Variants in ABI2 observed in about 807,000 individuals in gnomAD.
ABI2 encodes abelson interactor 2.
Under a neutral mutation model 59.2 loss-of-function variants are expected in ABI2, and 25 were observed. The observed-to-expected ratio is 0.42, with a 90% CI of 0.31 to 0.59. The LOEUF is 0.59. Ranked by LOEUF, ABI2 falls within the 20% of genes least tolerant of loss-of-function variation. ABI2 has a pLI of 0.14. For synonymous variants in ABI2, 213 were observed against 235.5 expected (o/e 0.90, Z 0.87); for missense variants, 545 against 681.8 (o/e 0.80, Z 2.23).
intron 3 of ABI2, 37 bp from the exon 4 acceptor site, chr2:203,382,152 T>C: frequency 1.3e-6 from 2 of 1,512,868 alleles, no homozygotes; most frequent in Non-Finnish European, 1.8e-6. Flanking sequence ...ATGCTTTTTT[T>C]CCTTACCTCT....
chr2:203,370,723 T>A (rs2095091081), intron 2 of ABI2, among the ~76,000 whole-genome samples: 1 of 152,170 alleles, frequency 6.6e-6, no homozygotes. Flanking sequence ...GCAAAAATAC[T>A]AGATTCCGAG....
chr2:203,330,422 C>G (rs1014353095), intron 1 of ABI2, among the ~76,000 whole-genome samples: 4 of 149,686 alleles, frequency 2.7e-5, no homozygotes, highest in African/African-American at 9.8e-5. Context: ...GATTCACTTG[C>G]TCAATTTTTC....
At chr2:203,354,487 T>G (rs1442986396) in intron 1 of ABI2, among the ~76,000 whole-genome samples, 1 of 152,202 alleles carries the variant, frequency 6.6e-6, no homozygotes, top group Non-Finnish European at 1.5e-5. Context: ...CTGAAACATA[T>G]CAGTAAACTA....
At chr2:203,368,984 ATTTTTTTTTTTTTT>A (rs71007508) in intron 2 of ABI2, among the ~76,000 whole-genome samples, 17 of 91,120 alleles carry the variant, frequency 1.9e-4, no homozygotes, top group African/African-American at 4.5e-4. Context: ...TGCTTGGCTG[ATTTTTTTTTTTTTT>A]TTTTTTTTTT....
chr2:203,339,951 G>T (rs909425996), intron 1 of ABI2, among the ~76,000 whole-genome samples: 1 of 152,184 alleles, frequency 6.6e-6, no homozygotes, highest in African/African-American at 2.4e-5. Context: ...TGTATATGTG[G>T]ATGAATACTG....
intron 7 of ABI2, 89 bp downstream of exon 7, chr2:203,395,869 C>A: frequency 7.3e-7 from 1 of 1,377,034 alleles, no homozygotes; most frequent in Non-Finnish European, 9.6e-7. Context: ...TCTTCGTAAT[C>A]AGGATTTTTT....
In ABI2 at chr2:203,411,244, G is replaced by A. The variant is rs530407943; in HGVS notation, c.1193-41G>A. 1.5e-5 allele frequency: 22 copies of A among 1,421,920 alleles called. No homozygotes were observed. The Admixed American group carries it at 1.7e-4, about 11-fold the overall frequency. The allele number at this position is 1,421,920 out of a possible 1,614,324, so 88.1% of individuals were successfully genotyped here. On this transcript the variant is annotated intron_variant, in intron 9 of 11. Coordinates refer to ENST00000261018, the MANE Select transcript of ABI2 (RefSeq NM_001375670.1). ...TTATCCTTTCCTTTTAATGTAACTC[G>A]CCCTTATCCCTTATCCTCCACACCT...
intron 2 of ABI2, among the ~76,000 whole-genome samples, chr2:203,375,604 A>G (rs2095628665): frequency 2.0e-5 from 3 of 152,250 alleles, no homozygotes; most frequent in Admixed American, 1.3e-4. Flanking sequence ...TATAGTAGCC[A>G]TATTTTATTT....
intron 6 of ABI2, chr2:203,395,137 T>A: frequency 1.4e-6 from 1 of 702,616 alleles, no homozygotes; most frequent in Non-Finnish European, 2.6e-6. Context: ...AGGTTGTTTT[T>A]TGGTGGAACT....
chr2:203,394,955 C>CT lies in ABI2; in HGVS notation c.725+110dup, dbSNP rs569634751. On this transcript the variant is annotated intron_variant, in intron 6 of 11. Coordinates refer to ENST00000261018, the MANE Select transcript of ABI2 (RefSeq NM_001375670.1). ...CAAGCACTAAGTTCTTTTCCTCACT[C>CT]TATTCTCCCAAACCTCATCTGATTT... is the stretch of plus-strand genomic sequence containing the variant. 1.4e-4 allele frequency: 171 copies of CT among 1,241,496 alleles called. 1 individual carries two copies. In the African/African-American group the frequency reaches 2.2e-3, roughly 16 times the overall value. The allele number at this position is 1,241,496 out of a possible 1,614,324, so 76.9% of individuals were successfully genotyped here.
rs2094535823 is a variant in ABI2, at chr2:203,367,221, CTG to C, written c.285+180_285+181del. On this transcript the variant is annotated intron_variant, in intron 2 of 11. Transcript: ENST00000261018. The stretch of plus-strand genomic sequence containing the variant: ...TCTTTTTGTGGGATGGTTATCTTCT[CTG>C]TGATTTTGATAGGAAAGTAAATCGT... 6.0e-6 allele frequency: 5 copies of C among 827,186 alleles called. No individual in the cohort carries two copies. The Admixed American group carries it at 1.6e-4, about 27-fold the overall frequency. 51.2% of individuals were successfully genotyped at this position (827,186 alleles called of 1,614,324 possible). A position where few individuals can be genotyped will look rare whatever the true frequency, so the allele number is the denominator to read the frequency against.
intron 1 of ABI2, among the ~76,000 whole-genome samples, chr2:203,345,134 T>A (rs971127544): frequency 6.6e-6 from 1 of 152,180 alleles, no homozygotes; most frequent in Non-Finnish European, 1.5e-5. Context: ...ACTCTTTGGG[T>A]CCGCACTACC....
intron 4 of ABI2, among the ~76,000 whole-genome samples, chr2:203,383,651 CCAAA>C (rs2096275283): frequency 1.3e-5 from 2 of 152,074 alleles, no homozygotes; most frequent in Non-Finnish European, 2.9e-5. Context: ...GAGAGACAGG[CCAAA>C]CAGAGTCTCC....
At chr2:203,332,135 T>G (rs2074038601) in intron 1 of ABI2, among the ~76,000 whole-genome samples, 1 of 151,946 alleles carries the variant, frequency 6.6e-6, no homozygotes, top group African/African-American at 2.4e-5. Flanking sequence ...TTAATAAAAA[T>G]TTAGATAGTT....
At chr2:203,377,441 T>G (rs2095783776) in intron 2 of ABI2, among the ~76,000 whole-genome samples, 1 of 152,194 alleles carries the variant, frequency 6.6e-6, no homozygotes. Context: ...TTCTAAAAAC[T>G]GAGGAGAATA....
intron 1 of ABI2, among the ~76,000 whole-genome samples, chr2:203,330,823 T>C (rs1363973535): frequency 6.6e-6 from 1 of 152,212 alleles, no homozygotes; most frequent in Non-Finnish European, 1.5e-5. Flanking sequence ...CCTCTTAAGT[T>C]ATAATTGCTA....
Position 203,402,662 on chromosome 2 carries a change from C to T in ABI2, c.1120C>T (p.Pro374Ser), listed in dbSNP as rs1186094108. The change falls in exon 9 of 12, where the codon CCT becomes TCT. Residue 374 changes from proline (P) to serine (S), a missense_variant. Transcript: ENST00000261018. ...TIGGSLPYRR[P>S]PSITSQTSLQ... is the part of the protein sequence containing the mutation. ...AGGGGGCTCGTTGCCCTATAGACGC[C>T]CTCCTTCCATTACTTCACAAACAAG... 1 of 1,606,572 alleles carries T rather than the reference C, an allele frequency of 6.2e-7. No homozygotes were observed. Among genetic ancestry groups the T allele is most frequent in the Non-Finnish European group, 8.5e-7 (1 of 1,177,352 alleles).
rs867633656 is a variant in ABI2 at position 203,405,601 on chromosome 2, T to C, written c.1192+2867T>C. On this transcript the variant is annotated intron_variant, in intron 9 of 11. Coordinates refer to ENST00000261018, the MANE Select transcript of ABI2 (RefSeq NM_001375670.1). Reference sequence around the variant, plus strand: ...TGTATTACTCCCAGTAGCCCTGCAATTGTCCCTATTTTTTTCATATTTACA... The same window carrying C: ...TGTATTACTCCCAGTAGCCCTGCAACTGTCCCTATTTTTTTCATATTTACA... Among the ~76,000 whole-genome samples, 54 of 152,208 alleles carry C rather than the reference T, an allele frequency of 3.5e-4. No individual in the cohort carries two copies. In the Middle Eastern group the frequency reaches 0.014, roughly 38 times the overall value.
chr2:203,385,014 T>A (rs1337408730), intron 4 of ABI2, among the ~76,000 whole-genome samples: 1 of 151,932 alleles, frequency 6.6e-6, no homozygotes, highest in South Asian at 2.1e-4. Context: ...TGTGTACTTT[T>A]AGTAGAGACA....
Sources: gnomAD v4.1 joint callset for allele counts (sites outside exome capture counted in the v4.1 genomes callset) on GRCh38, gnomAD v4.1.1 for gene constraint, MANE v1.5 for transcripts, NCBI Gene and HGNC (gene_info 2026-07-23, HGNC 2026-07-21) for gene names.